Variants in NARS2 observed in about 807,000 individuals in gnomAD.
NARS2 encodes the protein asparaginyl-tRNA synthetase 2, mitochondrial.
NARS2 carries 60 observed loss-of-function variants against 62.9 expected under a neutral mutation model. The ratio of observed to expected loss-of-function variants is 0.95; its 90% CI spans 0.77 to 1.18. The LOEUF (loss-of-function observed/expected upper bound fraction) is 1.18, where lower values mean the gene tolerates loss of function less well. Among genes scored for constraint, NARS2 ranks in the 50% most tolerant of loss-of-function variants. The probability of loss-of-function intolerance (pLI) is 0.00; values close to 1 mark genes in which losing one functional copy is unlikely to be tolerated. For missense variants in NARS2, 619 were observed against 576.4 expected (o/e 1.07, Z -0.76); for synonymous variants, 196 against 200.0 (o/e 0.98, Z 0.17).
intron 11 of NARS2, among the ~76,000 whole-genome samples, chr11:78,460,477 T>A (rs1383805618): frequency 6.6e-6 from 1 of 152,074 alleles, no homozygotes; most frequent in Non-Finnish European, 1.5e-5. Context: ...AATGGATATA[T>A]GAAGATCAGT....
intron 6 of NARS2, among the ~76,000 whole-genome samples, chr11:78,494,542 T>G (rs1272661795): frequency 6.6e-6 from 1 of 150,688 alleles, no homozygotes; most frequent in Non-Finnish European, 1.5e-5. Flanking sequence ...AACCAAGAGA[T>G]TTACTTCTCT....
chr11:78,546,005 C>T (rs558674086), intron 5 of NARS2, among the ~76,000 whole-genome samples: 12 of 152,252 alleles, frequency 7.9e-5, no homozygotes, highest in Admixed American at 3.3e-4. Flanking sequence ...TAAAATTTAG[C>T]GGCTTAAAAT....
chr11:78,466,058 A>C, intron 10 of NARS2, 45 bp from the exon 11 acceptor site: 1 of 1,541,102 alleles, frequency 6.5e-7, no homozygotes, highest in Non-Finnish European at 8.7e-7. Flanking sequence ...GACAGAGGTG[A>C]AATATACAAT....
In NARS2 at chr11:78,440,846, T is replaced by A. The variant is rs992196199; in HGVS notation, c.1289+245A>T. The stretch of plus-strand genomic sequence containing the variant: ...CTGCGCCCAGCCAATATACATAAAA[T>A]TTTTAACATAATTATCTGGCACACA... On this transcript the variant is annotated intron_variant, in intron 13 of 13. Transcript: ENST00000281038. Among the ~76,000 whole-genome samples the A allele has an allele frequency of 5.3e-5, 8 of 152,342 alleles. 2 individuals carry two copies.
At chr11:78,522,106 C>T (rs1861151039) in intron 6 of NARS2, among the ~76,000 whole-genome samples, 1 of 150,428 alleles carries the variant, frequency 6.6e-6, no homozygotes, top group South Asian at 2.1e-4. Context: ...GTATGTGCCA[C>T]TACATCCAGC....
intron 5 of NARS2, among the ~76,000 whole-genome samples, chr11:78,537,908 T>C (rs1344513464): frequency 6.6e-6 from 1 of 152,244 alleles, no homozygotes; most frequent in Non-Finnish European, 1.5e-5. Flanking sequence ...TCTCCCCTTA[T>C]CCACAGTTTT....
intron 6 of NARS2, among the ~76,000 whole-genome samples, chr11:78,527,362 T>C (rs774684203): frequency 5.3e-5 from 8 of 152,192 alleles, no homozygotes; most frequent in African/African-American, 1.9e-4. Context: ...TCCGTAGGCA[T>C]AAGAACATTC....
At chr11:78,528,770 G>C (rs1247911267) in intron 6 of NARS2, 72 bp downstream of exon 6, 10 of 968,082 alleles carry the variant, frequency 1.0e-5, no homozygotes, top group Non-Finnish European at 1.5e-5. Flanking sequence ...TTTTAGGTTT[G>C]AGCATGGGAA....
In NARS2 at chr11:78,571,411, C is replaced by T. The variant is rs923264965; in HGVS notation, c.175G>A (p.Val59Ile). The change falls in exon 2 of 14, where the codon GTC (valine) becomes ATC (isoleucine). Residue 59 changes from valine (V) to isoleucine (I), a missense_variant. Transcript: ENST00000281038. ...WIRSVRSQKEVLFLHVNDGSS... is the reference protein window; with the variant it reads ...WIRSVRSQKEILFLHVNDGSS... ...CCATCATTTACATGCAGGAACAAGACTTCCTTCTGGGATCGGACAGAACGA... is the reference window on the plus strand; with the variant it reads ...CCATCATTTACATGCAGGAACAAGATTTCCTTCTGGGATCGGACAGAACGA... 3 of 1,613,396 alleles carry T rather than the reference C, an allele frequency of 1.9e-6. No individual in the cohort carries two copies. The highest frequency in any genetic ancestry group is 2.5e-6 in the Non-Finnish European group (3 of 1,179,888).
chr11:78,507,089 T>C (rs1404605424), intron 6 of NARS2, among the ~76,000 whole-genome samples: 1 of 152,124 alleles, frequency 6.6e-6, no homozygotes, highest in South Asian at 2.1e-4. Flanking sequence ...CCTAGATTGC[T>C]GATTGTGGTT....
chr11:78,493,624 T>G (rs559988983), intron 6 of NARS2, among the ~76,000 whole-genome samples: 3 of 151,958 alleles, frequency 2.0e-5, no homozygotes. Context: ...TGCCACTGCA[T>G]TCTGGCCTGG....
intron 4 of NARS2, among the ~76,000 whole-genome samples, chr11:78,562,511 T>C (rs1856591040): frequency 6.6e-6 from 1 of 152,160 alleles, no homozygotes; most frequent in Admixed American, 6.5e-5. Context: ...CAATCCCTGA[T>C]ACTCACAGGA....
intron 6 of NARS2, among the ~76,000 whole-genome samples, chr11:78,505,420 G>A (rs770438284): frequency 6.6e-6 from 1 of 150,828 alleles, no homozygotes; most frequent in Non-Finnish European, 1.5e-5. Flanking sequence ...CAATAGCATA[G>A]TATTTCAAGT....
At chr11:78,499,249 C>T (rs1860192237) in intron 6 of NARS2, among the ~76,000 whole-genome samples, 1 of 152,116 alleles carries the variant, frequency 6.6e-6, no homozygotes, top group Admixed American at 6.5e-5. Context: ...CTAACACATA[C>T]TAGTCAATAT....
intron 9 of NARS2, among the ~76,000 whole-genome samples, chr11:78,471,529 TC>T: frequency 6.6e-6 from 1 of 152,060 alleles, no homozygotes; most frequent in East Asian, 1.9e-4. Flanking sequence ...TCTTTTTTTT[TC>T]TTTTTTTTCT....
intron 5 of NARS2, among the ~76,000 whole-genome samples, chr11:78,548,024 A>G (rs183636136): frequency 6.6e-6 from 1 of 152,262 alleles, no homozygotes; most frequent in East Asian, 1.9e-4. Flanking sequence ...GTTTGAGACC[A>G]GCCTAGGCAA....
intron 5 of NARS2, among the ~76,000 whole-genome samples, chr11:78,558,788 T>A (rs1332506724): frequency 1.3e-5 from 2 of 152,212 alleles, no homozygotes; most frequent in African/African-American, 4.8e-5. Context: ...AATCAGTTCT[T>A]ATGAAAAAAT....
At chr11:78,467,996 A>G (rs1467575668) in intron 10 of NARS2, among the ~76,000 whole-genome samples, 2 of 149,994 alleles carry the variant, frequency 1.3e-5, no homozygotes, top group Non-Finnish European at 3.0e-5. Flanking sequence ...GGTGTGAACT[A>G]CCACACCCGG....
chr11:78,505,737 C>A (rs1860469527), intron 6 of NARS2, among the ~76,000 whole-genome samples: 1 of 152,092 alleles, frequency 6.6e-6, no homozygotes, highest in Non-Finnish European at 1.5e-5. Context: ...CTAGCAGGGT[C>A]TTCCCTGACC....
Sources: allele counts gnomAD v4.1 joint callset (sites outside exome capture counted in the v4.1 genomes callset), GRCh38; gene constraint gnomAD v4.1.1; transcripts MANE v1.5; gene names NCBI Gene and HGNC (gene_info 2026-07-23, HGNC 2026-07-21).